The following SNTG1 variants were observed in gnomAD, a reference collection of about 807,000 sequenced individuals.
SNTG1 encodes gamma-1-syntrophin.
SNTG1 carries 39 observed loss-of-function variants against 74.7 expected under a neutral mutation model. That is an observed-to-expected ratio of 0.52 (90% CI 0.40 to 0.68). SNTG1 has a LOEUF of 0.68. Ranked by LOEUF, SNTG1 falls within the 30% of genes least tolerant of loss-of-function variation. The probability of loss-of-function intolerance (pLI) is 0.00; values close to 1 mark genes in which losing one functional copy is unlikely to be tolerated. For missense variants in SNTG1, 685 were observed against 609.5 expected (o/e 1.12, Z -1.30); for synonymous variants, 254 against 217.1 (o/e 1.17, Z -1.49).
chr8:50,205,398 G>T (rs1244193701), intron 2 of SNTG1, among the ~76,000 whole-genome samples: 2 of 152,128 alleles, frequency 1.3e-5, no homozygotes, highest in African/African-American at 4.8e-5. Context: ...CATATCCTTT[G>T]CCCACTTTTT....
chr8:50,789,343 C>G (rs1372940404), intron 18 of SNTG1, among the ~76,000 whole-genome samples: 1 of 151,968 alleles, frequency 6.6e-6, no homozygotes, highest in Non-Finnish European at 1.5e-5. Flanking sequence ...CCCCATCTTT[C>G]TTACATTTTT....
chr8:50,307,406 T>C (rs1256443751), intron 2 of SNTG1, among the ~76,000 whole-genome samples: 2 of 152,044 alleles, frequency 1.3e-5, no homozygotes, highest in African/African-American at 4.8e-5. Flanking sequence ...CTATATGTAG[T>C]GGTATTGCAT....
At chr8:50,100,269 A>G (rs2080073316) in intron 1 of SNTG1, among the ~76,000 whole-genome samples, 1 of 152,088 alleles carries the variant, frequency 6.6e-6, no homozygotes, top group African/African-American at 2.4e-5. Flanking sequence ...AGAGGTTGTG[A>G]AGGACAGAGG....
At chr8:50,160,003 A>G (rs2082366131) in intron 1 of SNTG1, among the ~76,000 whole-genome samples, 1 of 152,200 alleles carries the variant, frequency 6.6e-6, no homozygotes, top group African/African-American at 2.4e-5. Context: ...TTAAACTGGG[A>G]GAAATTTTAA....
At position 50,288,694 on chromosome 8, in the gene SNTG1, C is replaced by A. The variant is rs1432794098; in HGVS notation, c.-27-105518C>A. 4.0e-5 allele frequency among the ~76,000 whole-genome samples: 6 copies of A among 150,980 alleles called. 1 individual carries two copies. The East Asian group carries it at 1.2e-3, about 29-fold the overall frequency. On this transcript the variant is annotated intron_variant, in intron 2 of 18. Coordinates refer to ENST00000642720, the MANE Select transcript of SNTG1 (RefSeq NM_018967.5). ...TATGAAATGTGTTGATTAAGGTCAT[C>A]TGGAAAAAAAAAGGATAGGATAAAC...
intron 1 of SNTG1, among the ~76,000 whole-genome samples, chr8:50,061,043 A>G (rs1820426965): frequency 6.6e-6 from 1 of 152,104 alleles, no homozygotes; most frequent in Non-Finnish European, 1.5e-5. Flanking sequence ...TGGTGTTGCT[A>G]CCTGGGTACT....
At chr8:50,252,043 A>G (rs976987975) in intron 2 of SNTG1, among the ~76,000 whole-genome samples, 11 of 152,182 alleles carry the variant, frequency 7.2e-5, no homozygotes, top group Admixed American at 2.6e-4. Context: ...AAAACTAGAA[A>G]TTAACAAGGA....
chr8:49,929,843 T>C lies in SNTG1; in HGVS notation c.-103+17612T>C, dbSNP rs562813340. ...AACTCGTCATCTAGCATTAGGTATATCTCCCAATGCTATCCCTCCCCCCTC... is the reference window on the plus strand; with the variant it reads ...AACTCGTCATCTAGCATTAGGTATACCTCCCAATGCTATCCCTCCCCCCTC... On this transcript the variant is annotated intron_variant, in intron 1 of 18. Transcript: ENST00000642720. 2.7e-3 allele frequency among the ~76,000 whole-genome samples: 404 copies of C among 149,160 alleles called. 2 individuals are homozygous for C. The highest frequency in any genetic ancestry group is 9.5e-3 in the African/African-American group (386 of 40,586).
chr8:50,490,880 C>T (rs75028951), intron 8 of SNTG1: 11,960 of 152,742 alleles, frequency 0.078, 1,031 homozygotes, highest in African/African-American at 0.22. Flanking sequence ...CTCCTCAAGG[C>T]GGCTACTGCT....
At chr8:50,677,789 T>A (rs1021191552) in intron 15 of SNTG1, among the ~76,000 whole-genome samples, 1 of 151,956 alleles carries the variant, frequency 6.6e-6, no homozygotes, top group Non-Finnish European at 1.5e-5. Flanking sequence ...TCAAATTGAT[T>A]TAGAATATAT....
intron 2 of SNTG1, among the ~76,000 whole-genome samples, chr8:50,308,075 T>G (rs1377832184): frequency 1.3e-5 from 2 of 151,844 alleles, no homozygotes; most frequent in East Asian, 3.9e-4. Flanking sequence ...GTTCACTCAC[T>G]CCAGTGATGC....
intron 15 of SNTG1, among the ~76,000 whole-genome samples, chr8:50,672,075 AG>A (rs1477980158): frequency 3.4e-5 from 5 of 148,490 alleles, no homozygotes; most frequent in African/African-American, 1.3e-4. Context: ...GGATAGCATT[AG>A]GAGATATATC....
At chr8:50,343,593 G>A (rs911758406) in intron 2 of SNTG1, among the ~76,000 whole-genome samples, 35 of 152,260 alleles carry the variant, frequency 2.3e-4, no homozygotes, top group African/African-American at 7.2e-4. Context: ...AATGTAAATA[G>A]TGAACAAATA....
At chr8:50,119,123 A>G (rs924235750) in intron 1 of SNTG1, among the ~76,000 whole-genome samples, 3 of 141,662 alleles carry the variant, frequency 2.1e-5, no homozygotes, top group African/African-American at 5.1e-5. Context: ...AAGTAATTTT[A>G]TGTTAACTAT....
chr8:50,633,231 C>G (rs1014238297), intron 13 of SNTG1, among the ~76,000 whole-genome samples: 1 of 152,152 alleles, frequency 6.6e-6, no homozygotes, highest in Non-Finnish European at 1.5e-5. Flanking sequence ...GCTTTCTGAA[C>G]AATGTCTTCT....
At chr8:50,388,142 C>G (rs1420949094) in intron 2 of SNTG1, among the ~76,000 whole-genome samples, 1 of 152,120 alleles carries the variant, frequency 6.6e-6, no homozygotes, top group Non-Finnish European at 1.5e-5. Context: ...TAATCTAAGA[C>G]AGGCATATGC....
intron 1 of SNTG1, among the ~76,000 whole-genome samples, chr8:50,125,181 G>A (rs1443038565): frequency 2.1e-5 from 3 of 141,990 alleles, no homozygotes; most frequent in African/African-American, 7.6e-5. Flanking sequence ...CTAGGAAAGT[G>A]AGCATATGCA....
chr8:50,359,649 A>G (rs1010082317), intron 2 of SNTG1, among the ~76,000 whole-genome samples: 1 of 152,354 alleles, frequency 6.6e-6, no homozygotes, highest in Admixed American at 6.5e-5. Flanking sequence ...GTGAAAATAA[A>G]TGAAAGATAC....
At chr8:50,744,730 A>G (rs2095551361) in intron 17 of SNTG1, among the ~76,000 whole-genome samples, 1 of 152,030 alleles carries the variant, frequency 6.6e-6, no homozygotes. Flanking sequence ...AATAGAGATC[A>G]CAGAATGAAC....
Sources: allele counts gnomAD v4.1 joint callset (sites outside exome capture counted in the v4.1 genomes callset), GRCh38; gene constraint gnomAD v4.1.1; transcripts MANE v1.5; gene names NCBI Gene and HGNC (gene_info 2026-07-23, HGNC 2026-07-21).